Variants in CEP112 observed in about 807,000 individuals in gnomAD.
The protein encoded by CEP112 is centrosomal protein 112, also known as centrosomal protein of 112 kDa.
CEP112 carries 127 observed loss-of-function variants against 153.0 expected under a neutral mutation model. That is an observed-to-expected ratio of 0.83 (90% CI 0.72 to 0.96). The LOEUF is 0.96. Among genes scored for constraint, CEP112 ranks in the 40% least tolerant of loss-of-function variants. The probability of loss-of-function intolerance (pLI) is 0.00; values close to 1 mark genes in which losing one functional copy is unlikely to be tolerated. For synonymous variants in CEP112, 358 were observed against 374.4 expected (o/e 0.96, Z 0.51); for missense variants, 1,089 against 1,101.2 (o/e 0.99, Z 0.16).
At chr17:66,125,871 G>T (rs7218666) in intron 6 of CEP112, among the ~76,000 whole-genome samples, 1 of 152,080 alleles carries the variant, frequency 6.6e-6, no homozygotes, top group African/African-American at 2.4e-5. Flanking sequence ...CAAGAGTAAG[G>T]ATAACATAAT....
intron 18 of CEP112, among the ~76,000 whole-genome samples, chr17:65,942,852 A>G: frequency 6.6e-6 from 1 of 152,110 alleles, no homozygotes; most frequent in African/African-American, 2.4e-5. Flanking sequence ...TTTCTCCAGT[A>G]AAGTACTATT....
chr17:65,868,315 C>A lies in CEP112; in HGVS notation c.2164-16281G>T, dbSNP rs187185424. ...AGGAGTTCAAGACCAGCCTGGCCAA[C>A]AAGGTGAAACCCCATCTCTACCAAA... On this transcript the variant is annotated intron_variant, in intron 20 of 26. Coordinates refer to ENST00000535342, the MANE Select transcript of CEP112 (RefSeq NM_001199165.4). Among the ~76,000 whole-genome samples, 40 of 152,000 alleles carry A rather than the reference C, an allele frequency of 2.6e-4. 1 individual carries two copies. Among genetic ancestry groups the A allele is most frequent in the Admixed American group, 2.6e-3 (40 of 15,252 alleles).
chr17:65,857,491 C>T (rs528096954), intron 20 of CEP112, among the ~76,000 whole-genome samples: 1 of 152,336 alleles, frequency 6.6e-6, no homozygotes, highest in South Asian at 2.1e-4. Flanking sequence ...CCGCCCACCT[C>T]AGCCTCCCAA....
intron 24 of CEP112, among the ~76,000 whole-genome samples, chr17:65,650,696 G>A (rs2045704943): frequency 7.8e-6 from 1 of 128,608 alleles, no homozygotes. Context: ...AAGAGTTCAA[G>A]ACCAGCCTAG....
intron 24 of CEP112, among the ~76,000 whole-genome samples, chr17:65,683,601 C>T (rs991945628): frequency 2.0e-5 from 3 of 152,348 alleles, no homozygotes; most frequent in African/African-American, 7.2e-5. Flanking sequence ...GCAAGTGCCA[C>T]ACACTGCCTA....
chr17:65,926,670 G>A (rs920214543), intron 19 of CEP112, among the ~76,000 whole-genome samples: 7 of 151,832 alleles, frequency 4.6e-5, no homozygotes, highest in African/African-American at 1.2e-4. Flanking sequence ...CCAAGATGGC[G>A]CCATTGCACT....
At chr17:65,679,440 T>C (rs1289626328) in intron 24 of CEP112, among the ~76,000 whole-genome samples, 1 of 152,146 alleles carries the variant, frequency 6.6e-6, no homozygotes, top group Admixed American at 6.5e-5. Context: ...CTGTTGCAAT[T>C]CCTGTTTTCA....
rs200238616 is a variant in CEP112, at chr17:65,951,743, G to GC, written c.1872+9719dup. Among the ~76,000 whole-genome samples the GC allele has an allele frequency of 8.0e-4, 63 of 78,404 alleles. 2 individuals are homozygous for GC. Among genetic ancestry groups the GC allele is most frequent in the Admixed American group, 1.5e-3 (8 of 5,454 alleles). The allele number at this position is 78,404 out of a possible 152,430, so 51.4% of individuals were successfully genotyped here. ...TAGCTTTCTGCTCTAATCTTCCCCC[G>GC]CCCCCCCCTTTCTTCCACTTGCTTA... is the stretch of plus-strand genomic sequence containing the variant. On this transcript the variant is annotated intron_variant, in intron 18 of 26. Transcript: ENST00000535342.
intron 24 of CEP112, among the ~76,000 whole-genome samples, chr17:65,656,362 C>T (rs2046064952): frequency 6.6e-6 from 1 of 152,090 alleles, no homozygotes; most frequent in African/African-American, 2.4e-5. Flanking sequence ...TAGAGTTAGC[C>T]CTGTCTTTGG....
chr17:66,036,479 C>G (rs563776984), intron 12 of CEP112, among the ~76,000 whole-genome samples: 18 of 152,210 alleles, frequency 1.2e-4, no homozygotes, highest in Middle Eastern at 3.4e-3. Flanking sequence ...GGACCACCGA[C>G]GTATTTTGAT....
intron 20 of CEP112, among the ~76,000 whole-genome samples, chr17:65,900,119 T>C (rs1444067494): frequency 6.6e-6 from 1 of 152,170 alleles, no homozygotes; most frequent in East Asian, 1.9e-4. Context: ...TATGAGTATT[T>C]TGGTACACAT....
At chr17:66,157,705 CAAAA>C (rs370026993) in intron 4 of CEP112, among the ~76,000 whole-genome samples, 15 of 93,808 alleles carry the variant, frequency 1.6e-4, no homozygotes, top group South Asian at 8.1e-4. Context: ...AAATGGAAAG[CAAAA>C]AAAAAAAAAA....
At chr17:65,649,217 C>T (rs2045613458) in intron 24 of CEP112, among the ~76,000 whole-genome samples, 1 of 152,166 alleles carries the variant, frequency 6.6e-6, no homozygotes, top group Non-Finnish European at 1.5e-5. Context: ...CAGCTCTGTG[C>T]AATCAGCTTA....
intron 20 of CEP112, 39 bp from the exon 21 acceptor site, chr17:65,852,073 A>G (rs2057954522): frequency 7.0e-7 from 1 of 1,419,426 alleles, no homozygotes; most frequent in South Asian, 1.3e-5. Context: ...GAAGATATCA[A>G]TAGGGAAGTC....
intron 24 of CEP112, among the ~76,000 whole-genome samples, chr17:65,667,412 G>A (rs2046749667): frequency 6.6e-6 from 1 of 152,076 alleles, no homozygotes; most frequent in African/African-American, 2.4e-5. Flanking sequence ...GGAGTAAAAT[G>A]ACATATTCTG....
chr17:65,879,667 C>T (rs1164883064), intron 20 of CEP112, among the ~76,000 whole-genome samples: 2 of 151,816 alleles, frequency 1.3e-5, no homozygotes, highest in Non-Finnish European at 2.9e-5. Context: ...AAAAAGCAGT[C>T]TAATTCATAA....
At chr17:65,969,467 A>G (rs963082010) in intron 17 of CEP112, among the ~76,000 whole-genome samples, 3 of 152,194 alleles carry the variant, frequency 2.0e-5, no homozygotes, top group African/African-American at 7.2e-5. Flanking sequence ...TATCACATGC[A>G]TGTGTAATGC....
At chr17:65,897,898 A>G (rs947763943) in intron 20 of CEP112, among the ~76,000 whole-genome samples, 8 of 152,030 alleles carry the variant, frequency 5.3e-5, no homozygotes, top group Non-Finnish European at 1.0e-4. Flanking sequence ...TTTCTCTCAG[A>G]ACTGAGAACT....
At chr17:66,020,898 A>C (rs2064974805) in intron 16 of CEP112, among the ~76,000 whole-genome samples, 1 of 152,178 alleles carries the variant, frequency 6.6e-6, no homozygotes, top group African/African-American at 2.4e-5. Flanking sequence ...CCAAGAAGGA[A>C]ATGAAAAATC....
Sources: gnomAD v4.1 joint callset for allele counts (sites outside exome capture counted in the v4.1 genomes callset) on GRCh38, gnomAD v4.1.1 for gene constraint, MANE v1.5 for transcripts, NCBI Gene and HGNC (gene_info 2026-07-23, HGNC 2026-07-21) for gene names.